EPB41: variants seen among roughly 807,000 people sequenced by gnomAD.
EPB41 encodes the protein erythrocyte membrane protein band 4.1, also known as protein 4.1.
EPB41 carries 65 observed loss-of-function variants against 108.0 expected under a neutral mutation model. The ratio of observed to expected loss-of-function variants is 0.60; its 90% confidence interval spans 0.49 to 0.74. The LOEUF is 0.74. Among genes scored for constraint, EPB41 ranks in the 30% least tolerant of loss-of-function variants. EPB41 has a pLI of 0.00. For synonymous variants in EPB41, 336 were observed against 358.9 expected (o/e 0.94, Z 0.72); for missense variants, 875 against 1,037.0 (o/e 0.84, Z 2.15).
intron 1 of EPB41, among the ~76,000 whole-genome samples, chr1:28,947,257 A>G (rs1449860304): frequency 1.3e-5 from 2 of 152,000 alleles, no homozygotes; most frequent in Non-Finnish European, 2.9e-5. Flanking sequence ...AAAATACAAA[A>G]ATTAGCTGGG....
chr1:28,978,789 A>G (rs965666119), intron 1 of EPB41, among the ~76,000 whole-genome samples: 1 of 151,450 alleles, frequency 6.6e-6, no homozygotes, highest in Non-Finnish European at 1.5e-5. Context: ...GGGCATCAGA[A>G]CTATAGGCTT....
chr1:29,103,100 G>A (rs1361180207), intron 17 of EPB41, among the ~76,000 whole-genome samples: 1 of 152,120 alleles, frequency 6.6e-6, no homozygotes, highest in African/African-American at 2.4e-5. Context: ...GTAGAGACAG[G>A]GTTTCACCTT....
At chr1:29,054,829 G>T (rs1056689190) in intron 12 of EPB41, among the ~76,000 whole-genome samples, 3 of 152,200 alleles carry the variant, frequency 2.0e-5, no homozygotes, top group African/African-American at 7.2e-5. Flanking sequence ...TTCAGCCTGG[G>T]TGACAAAGTG....
At chr1:28,913,907 A>AG (rs569564082), upstream of EPB41, among the ~76,000 whole-genome samples, 446 of 152,296 alleles carry the variant, frequency 2.9e-3, 5 homozygotes, top group African/African-American at 9.6e-3. Flanking sequence ...TGAGATTGCC[A>AG]GGGGGGAATT....
intron 3 of EPB41, among the ~76,000 whole-genome samples, chr1:28,994,550 T>A (rs1304457301): frequency 6.6e-6 from 1 of 152,208 alleles, no homozygotes; most frequent in African/African-American, 2.4e-5. Flanking sequence ...TATGATATGC[T>A]TGATATATAA....
intron 8 of EPB41, among the ~76,000 whole-genome samples, chr1:29,032,348 G>A (rs1164655984): frequency 6.6e-6 from 1 of 152,168 alleles, no homozygotes; most frequent in Non-Finnish European, 1.5e-5. Context: ...AAAGTGAAAT[G>A]TAGTTATACC....
At chr1:28,935,481 AAGAT>A (rs1557725986) in intron 1 of EPB41, among the ~76,000 whole-genome samples, 1 of 93,484 alleles carries the variant, frequency 1.1e-5, no homozygotes, top group African/African-American at 3.8e-5. Flanking sequence ...CCCCCCCCCC[AAGAT>A]CTACGCACTA....
chr1:29,063,199 T>C (rs573514513), intron 15 of EPB41, among the ~76,000 whole-genome samples: 2 of 152,348 alleles, frequency 1.3e-5, no homozygotes, highest in African/African-American at 4.8e-5. Context: ...GGTCTTTGAA[T>C]GGGCTTGTTC....
At chr1:29,061,102 C>T (rs1373832131) in intron 15 of EPB41, among the ~76,000 whole-genome samples, 1 of 151,966 alleles carries the variant, frequency 6.6e-6, no homozygotes, top group Non-Finnish European at 1.5e-5. Flanking sequence ...AAGTAATTTC[C>T]CTGTAGTCCC....
rs1307395143 is a variant in EPB41, at chr1:29,035,849, C to T, written c.1389C>T (p.Ile463=). The T allele has an allele frequency of 4.3e-6, 7 of 1,613,880 alleles. No individual in the cohort carries two copies. Among genetic ancestry groups the T allele is most frequent in the South Asian group, 2.2e-5 (2 of 91,078 alleles). The change falls in exon 10 of 21, where the codon ATC becomes ATT. Residue 463 remains isoleucine, a synonymous_variant. Transcript: ENST00000343067. Reference sequence around the variant, plus strand: ...AGCAAGAGCAGTATGAAAGTACCATCGGATTCAAACTTCCCAGTTACCGAG... The same window carrying T: ...AGCAAGAGCAGTATGAAAGTACCATTGGATTCAAACTTCCCAGTTACCGAG... The part of the protein sequence containing the change: ...PGEQEQYEST[I]GFKLPSYRAA...
chr1:29,007,072 G>A (rs2096416959), intron 4 of EPB41, among the ~76,000 whole-genome samples: 1 of 151,726 alleles, frequency 6.6e-6, no homozygotes, highest in African/African-American at 2.4e-5. Flanking sequence ...GTTTCAAATA[G>A]CAATAGTTCA....
intron 1 of EPB41, among the ~76,000 whole-genome samples, chr1:28,919,794 G>A (rs1257519035): frequency 6.6e-6 from 1 of 152,042 alleles, no homozygotes; most frequent in Admixed American, 6.6e-5. Context: ...AGACATTCTG[G>A]CGTCATGCTT....
At position 29,118,183 on chromosome 1, in the gene EPB41, C is replaced by G. The variant is rs1410350861; in HGVS notation, c.*1371C>G. The G allele has an allele frequency of 6.5e-6, 1 of 152,720 alleles. No individual in the cohort carries two copies. Among genetic ancestry groups the G allele is most frequent in the Non-Finnish European group, 1.5e-5 (1 of 68,380 alleles). The allele number at this position is 152,720 out of a possible 1,614,324, so 9.5% of individuals were successfully genotyped here. A position where few individuals can be genotyped will look rare whatever the true frequency, so the allele number is the denominator to read the frequency against. On this transcript the variant is annotated 3_prime_UTR_variant, in exon 21 of 21. Coordinates refer to ENST00000343067, the MANE Select transcript of EPB41 (RefSeq NM_001376013.1). Reference sequence around the variant, plus strand: ...AGTGCAGTGGCGCGATCTCGGCTCACTGCAACCTCCGCCTCCTGGGTTCAA... The same window carrying G: ...AGTGCAGTGGCGCGATCTCGGCTCAGTGCAACCTCCGCCTCCTGGGTTCAA...
At chr1:28,898,844 C>A (rs370500174) in intron 1 of EPB41, among the ~76,000 whole-genome samples, 39 of 152,384 alleles carry the variant, frequency 2.6e-4, no homozygotes, top group African/African-American at 9.4e-4. Flanking sequence ...AAGCCAGCAG[C>A]AGCCTTGAAA....
chr1:29,102,371 A>G (rs1239695306), intron 17 of EPB41, among the ~76,000 whole-genome samples: 5 of 152,050 alleles, frequency 3.3e-5, no homozygotes, highest in African/African-American at 7.2e-5. Flanking sequence ...TATTGCAGCT[A>G]TGTGTGTTTA....
intron 1 of EPB41, among the ~76,000 whole-genome samples, chr1:28,932,712 G>T (rs2093812174): frequency 6.6e-6 from 1 of 151,906 alleles, no homozygotes. Flanking sequence ...TCTTCTTTTG[G>T]TAGTGAAAAT....
chr1:29,046,989 C>G (rs755904849), intron 11 of EPB41, among the ~76,000 whole-genome samples: 3 of 151,976 alleles, frequency 2.0e-5, no homozygotes, highest in Non-Finnish European at 4.4e-5. Flanking sequence ...GTTTTAGTTT[C>G]GAGTTTATGC....
chr1:28,905,485 G>A, intron 1 of EPB41, among the ~76,000 whole-genome samples: 1 of 149,284 alleles, frequency 6.7e-6, no homozygotes. Flanking sequence ...GACAGAGGAA[G>A]ACTATGTCTC....
intron 16 of EPB41, chr1:29,072,480 A>G (rs1651922760): frequency 6.6e-6 from 1 of 152,176 alleles, no homozygotes; most frequent in Admixed American, 6.5e-5. Flanking sequence ...ATCCTTATAC[A>G]CAGCTTTTTA....
Sources: gnomAD v4.1 joint callset for allele counts (sites outside exome capture counted in the v4.1 genomes callset) on GRCh38, gnomAD v4.1.1 for gene constraint, MANE v1.5 for transcripts, NCBI Gene and HGNC (gene_info 2026-07-23, HGNC 2026-07-21) for gene names.